The following ZC4H2 variants were observed in gnomAD, a reference collection of about 807,000 sequenced individuals.
ZC4H2 encodes the protein zinc finger C4H2 domain-containing protein.
For missense variants in ZC4H2, 137 were observed against 173.9 expected (o/e 0.79, Z 1.19); for synonymous variants, 84 against 66.3 (o/e 1.27, Z -1.30).
chrX:65,030,243 G>A (rs979983204), intron 1 of ZC4H2, among the ~76,000 whole-genome samples: 3 of 110,910 alleles, frequency 2.7e-5, no homozygotes, highest in African/African-American at 9.9e-5. Flanking sequence ...TCAGCCTCCC[G>A]AGTAGCTGGG....
intron 1 of ZC4H2, among the ~76,000 whole-genome samples, chrX:65,018,555 C>T (rs1215491134): frequency 5.3e-5 from 6 of 112,168 alleles, no homozygotes; most frequent in East Asian, 5.6e-4. Context: ...AGATTCCCTC[C>T]GGTGCTTACG....
rs752600083 is a variant in ZC4H2 at position 64,955,220 on chromosome X, A to G, written c.53+21105T>C. Among the ~76,000 whole-genome samples, 157 of 112,026 alleles carry G rather than the reference A, an allele frequency of 1.4e-3. 1 individual carries two copies. Among genetic ancestry groups the G allele is most frequent in the African/African-American group, 5.0e-3 (154 of 30,896 alleles). ...ACCTTCAGGTGCATTTGGTTAGCTGATGGGCCATTTAAACATTTTGTATAA... is the reference window on the plus strand; with the variant it reads ...ACCTTCAGGTGCATTTGGTTAGCTGGTGGGCCATTTAAACATTTTGTATAA... On this transcript the variant is annotated intron_variant, in intron 1 of 4. Coordinates refer to ENST00000374839, the MANE Select transcript of ZC4H2 (RefSeq NM_018684.4).
At chrX:64,993,299 T>G (rs1444156872) in intron 1 of ZC4H2, among the ~76,000 whole-genome samples, 1 of 111,950 alleles carries the variant, frequency 8.9e-6, no homozygotes, top group Non-Finnish European at 1.9e-5. Context: ...CCTGTCTTGG[T>G]GTTATCACCC....
At chrX:64,968,373 G>C (rs752737029) in intron 1 of ZC4H2, among the ~76,000 whole-genome samples, 6 of 111,406 alleles carry the variant, frequency 5.4e-5, no homozygotes, top group Non-Finnish European at 9.4e-5. Flanking sequence ...TCATATGATG[G>C]ATTTAAAGCC....
chrX:64,916,839 C>A lies in ZC4H2; in HGVS notation c.*944G>T, dbSNP rs945923073. 1.8e-5 allele frequency: 2 copies of A among 112,061 alleles called. No individual in the cohort carries two copies. The highest frequency in any genetic ancestry group is 3.3e-5 in the African/African-American group (1 of 30,765). The allele number at this position is 112,061 out of a possible 1,213,427, so 9.2% of individuals were successfully genotyped here. A position where few individuals can be genotyped will look rare whatever the true frequency, so the allele number is the denominator to read the frequency against. On this transcript the variant is annotated 3_prime_UTR_variant, in exon 5 of 5. Transcript: ENST00000374839. ...AGGGATGAATGGAAGGAAAGTCCCA[C>A]CCACCTTCATGTGTAAAGTGATTGG...
intron 1 of ZC4H2, among the ~76,000 whole-genome samples, chrX:64,944,266 G>T (rs1217170103): frequency 9.4e-6 from 1 of 106,321 alleles, no homozygotes; most frequent in South Asian, 4.3e-4. Context: ...TCAGCCTCCC[G>T]AGTAGCTGGG....
At chrX:64,989,024 GTTGTAGATATGCGGCA>G (rs1932252864) in intron 1 of ZC4H2, among the ~76,000 whole-genome samples, 1 of 111,981 alleles carries the variant, frequency 8.9e-6, no homozygotes, top group Non-Finnish European at 1.9e-5. Context: ...AGATCAGATA[GTTGTAGATATGCGGCA>G]TTATTTCTGA....
chrX:65,022,873 A>G (rs1255031869), intron 1 of ZC4H2, among the ~76,000 whole-genome samples: 2 of 112,195 alleles, frequency 1.8e-5, no homozygotes, highest in Non-Finnish European at 3.8e-5. Context: ...CAAACTGCGC[A>G]AGGTAATCTA....
At chrX:65,007,385 T>C (rs1040586969) in intron 1 of ZC4H2, among the ~76,000 whole-genome samples, 2 of 112,362 alleles carry the variant, frequency 1.8e-5, no homozygotes, top group African/African-American at 3.2e-5. Context: ...GAAGTTTTTA[T>C]TGTTGTAGAC....
intron 1 of ZC4H2, among the ~76,000 whole-genome samples, chrX:65,002,523 G>T (rs1376500198): frequency 3.6e-5 from 4 of 111,302 alleles, no homozygotes; most frequent in Non-Finnish European, 5.7e-5. Flanking sequence ...GAAGTGAGGA[G>T]CCCCTCTGCC....
At chrX:65,026,572 G>A (rs1239438018) in intron 1 of ZC4H2, among the ~76,000 whole-genome samples, 3 of 110,783 alleles carry the variant, frequency 2.7e-5, no homozygotes, top group African/African-American at 9.9e-5. Context: ...AGCCAGGCGT[G>A]GTGGTGGACG....
At chrX:64,925,620 C>T (rs979917018) in intron 1 of ZC4H2, among the ~76,000 whole-genome samples, 74 of 111,853 alleles carry the variant, frequency 6.6e-4, no homozygotes, top group Middle Eastern at 4.6e-3. Context: ...GGATGAGTCC[C>T]TTTTATGTAA....
intron 1 of ZC4H2, among the ~76,000 whole-genome samples, chrX:64,982,198 G>C (rs1932096184): frequency 9.0e-6 from 1 of 111,583 alleles, no homozygotes; most frequent in Admixed American, 9.5e-5. Flanking sequence ...ACCTCTTTGA[G>C]AGTGACCAAA....
intron 1 of ZC4H2, among the ~76,000 whole-genome samples, chrX:64,943,081 G>T (rs756905632): frequency 8.9e-5 from 10 of 111,859 alleles, no homozygotes; most frequent in Non-Finnish European, 1.5e-4. Flanking sequence ...AATGACCAGT[G>T]ATGATGAGCT....
At chrX:64,920,034 G>A (rs1360407783) in intron 3 of ZC4H2, 47 bp downstream of exon 3, 18 of 1,168,307 alleles carry the variant, frequency 1.5e-5, no homozygotes, top group Non-Finnish European at 2.1e-5. Context: ...GTATGTATGT[G>A]GGTCGGAGGG....
chrX:65,027,611 A>G (rs1326303192), intron 1 of ZC4H2, among the ~76,000 whole-genome samples: 2 of 111,075 alleles, frequency 1.8e-5, no homozygotes, highest in Non-Finnish European at 3.8e-5. Flanking sequence ...GGTTTGGGAG[A>G]CAAGGTAAAA....
intron 1 of ZC4H2, among the ~76,000 whole-genome samples, chrX:64,945,107 G>C (rs1002806878): frequency 6.2e-5 from 7 of 112,896 alleles, no homozygotes; most frequent in Non-Finnish European, 9.4e-5. Flanking sequence ...GCTCCATCCA[G>C]TTTCGTGCCC....
At chrX:64,963,992 T>A (rs1328042988) in intron 1 of ZC4H2, among the ~76,000 whole-genome samples, 2 of 110,995 alleles carry the variant, frequency 1.8e-5, no homozygotes, top group African/African-American at 6.5e-5. Flanking sequence ...ATAGTCAAAT[T>A]CTTAGAAGCA....
At chrX:65,015,186 G>T (rs1237043556) in intron 1 of ZC4H2, among the ~76,000 whole-genome samples, 2 of 111,745 alleles carry the variant, frequency 1.8e-5, no homozygotes, top group East Asian at 5.6e-4. Context: ...TCCAGAGCAT[G>T]CTAGAAATAG....
Sources: allele counts gnomAD v4.1 joint callset (sites outside exome capture counted in the v4.1 genomes callset), GRCh38; gene constraint gnomAD v4.1.1; transcripts MANE v1.5; gene names NCBI Gene and HGNC (gene_info 2026-07-23, HGNC 2026-07-21).